The following SLMAP variants were observed in gnomAD, a reference collection of about 807,000 sequenced individuals.
SLMAP encodes the protein sarcolemma associated protein.
SLMAP carries 44 observed loss-of-function variants against 128.8 expected under a neutral mutation model. That is an observed-to-expected ratio of 0.34 (90% CI 0.27 to 0.44). SLMAP has a LOEUF of 0.44. SLMAP is among the 20% of genes least tolerant of loss of function. The pLI, the probability that SLMAP is intolerant of heterozygous loss-of-function variation, is 1.00. For synonymous variants in SLMAP, 327 were observed against 348.8 expected (o/e 0.94, Z 0.70); for missense variants, 787 against 985.3 (o/e 0.80, Z 2.69).
Position 57,863,193 on chromosome 3 carries a change from T to C in SLMAP, c.966+1107T>C, listed in dbSNP as rs186899998. Among the ~76,000 whole-genome samples, 829 of 152,284 alleles carry C rather than the reference T, an allele frequency of 5.4e-3. 5 individuals are homozygous for C. The highest frequency in any genetic ancestry group is 0.014 in the Middle Eastern group (4 of 294). On this transcript the variant is annotated intron_variant, in intron 10 of 24. Coordinates refer to ENST00000671191, the MANE Select transcript of SLMAP (RefSeq NM_001377540.1). ...ACTCTGCTTTAGCTGCCATTCCCTCTATCTATGAGACATCTAGGATAAGGA... is the reference window on the plus strand; with the variant it reads ...ACTCTGCTTTAGCTGCCATTCCCTCCATCTATGAGACATCTAGGATAAGGA...
intron 6 of SLMAP, among the ~76,000 whole-genome samples, chr3:57,854,688 G>C (rs1360643314): frequency 6.6e-6 from 1 of 152,144 alleles, no homozygotes; most frequent in South Asian, 2.1e-4. Context: ...TCATACTTGT[G>C]CAATTAAGCC....
intron 13 of SLMAP, among the ~76,000 whole-genome samples, chr3:57,865,970 A>G (rs1478037755): frequency 6.6e-6 from 1 of 152,194 alleles, no homozygotes; most frequent in Admixed American, 6.5e-5. Context: ...AGCACCAACT[A>G]TGTGCCAGAC....
chr3:57,910,015 A>G (rs2096656717), intron 19 of SLMAP, among the ~76,000 whole-genome samples: 1 of 151,950 alleles, frequency 6.6e-6, no homozygotes, highest in Non-Finnish European at 1.5e-5. Context: ...TGGAGTTGGT[A>G]AGACTGTCAC....
intron 3 of SLMAP, among the ~76,000 whole-genome samples, chr3:57,837,649 G>A (rs1172327233): frequency 2.6e-5 from 4 of 152,274 alleles, no homozygotes; most frequent in South Asian, 4.1e-4. Context: ...GATTACAGGC[G>A]TGAGCCACTG....
At position 57,890,214 on chromosome 3, in the gene SLMAP, A is replaced by T. The variant is rs1017053118; in HGVS notation, c.1360+114A>T. On this transcript the variant is annotated intron_variant, in intron 15 of 24. Transcript: ENST00000671191. Reference sequence around the variant, plus strand: ...TCAGTTTACTTCTTATAGCTCACAAAATAGCAAGCCAGTAACAGTATCAGA... The same window carrying T: ...TCAGTTTACTTCTTATAGCTCACAATATAGCAAGCCAGTAACAGTATCAGA... 80 of 894,078 alleles carry T rather than the reference A, an allele frequency of 8.9e-5. 2 individuals are homozygous for T. In the Middle Eastern group the frequency reaches 1.1e-3, roughly 12 times the overall value. 55.4% of individuals were successfully genotyped at this position (894,078 alleles called of 1,614,324 possible).
intron 2 of SLMAP, among the ~76,000 whole-genome samples, chr3:57,774,699 G>A (rs941312255): frequency 1.3e-5 from 2 of 151,774 alleles, no homozygotes; most frequent in African/African-American, 4.8e-5. Context: ...TAATTTTTGC[G>A]TTTTTAGTAG....
In SLMAP at chr3:57,912,367, A is replaced by C; in HGVS notation, c.1700-14A>C. ...TTCTAATGGGCCAAGAAAATGATGG[A>C]TATACTTTTGCAGCCCAATTGCAGA... On this transcript the variant is annotated splice_polypyrimidine_tract_variant and intron_variant, in intron 19 of 24. Transcript: ENST00000671191. 1 of 1,599,258 alleles carries C rather than the reference A, an allele frequency of 6.3e-7. No individual in the cohort carries two copies. The highest frequency in any genetic ancestry group is 8.6e-7 in the Non-Finnish European group (1 of 1,167,218).
At chr3:57,903,043 A>G (rs958429527) in intron 17 of SLMAP, among the ~76,000 whole-genome samples, 2 of 152,228 alleles carry the variant, frequency 1.3e-5, no homozygotes, top group African/African-American at 4.8e-5. Context: ...AGAAGGCTAT[A>G]GACAGAAGAT....
intron 2 of SLMAP, among the ~76,000 whole-genome samples, chr3:57,761,923 T>C (rs2078728715): frequency 6.6e-6 from 1 of 150,660 alleles, no homozygotes; most frequent in African/African-American, 2.4e-5. Context: ...GGCGGGCGCC[T>C]GTAGTCCCAG....
At chr3:57,809,310 T>C (rs959612815) in intron 2 of SLMAP, among the ~76,000 whole-genome samples, 2 of 152,250 alleles carry the variant, frequency 1.3e-5, no homozygotes, top group African/African-American at 4.8e-5. Flanking sequence ...GGCCTCTCCC[T>C]GCTGTTGGCG....
intron 19 of SLMAP, among the ~76,000 whole-genome samples, chr3:57,909,362 C>T (rs566697009): frequency 9.9e-5 from 15 of 151,842 alleles, no homozygotes; most frequent in Middle Eastern, 6.8e-3. Context: ...ATTAGCTGGG[C>T]ATGGTGGTGC....
chr3:57,843,607 A>G (rs541734497), intron 4 of SLMAP, among the ~76,000 whole-genome samples: 1 of 151,816 alleles, frequency 6.6e-6, no homozygotes, highest in Admixed American at 6.6e-5. Context: ...CGCCTGGCCA[A>G]TAATTTTTAA....
In SLMAP at chr3:57,929,976, CTTTAA is replaced by C. The variant is rs2097053064; in HGVS notation, c.*2690_*2694del. Among the ~76,000 whole-genome samples, 1 of 152,178 alleles carries C rather than the reference CTTTAA, an allele frequency of 6.6e-6. No individual in the cohort carries two copies. The highest frequency in any genetic ancestry group is 6.5e-5 in the Admixed American group (1 of 15,284). ...TTAGGTAAGCCTAAACTTTAATCTA[CTTTAA>C]TTAAATGAATTGATTGACTCAACCA... On this transcript the variant is annotated 3_prime_UTR_variant, in exon 25 of 25. Coordinates refer to ENST00000671191, the MANE Select transcript of SLMAP (RefSeq NM_001377540.1).
At chr3:57,881,787 G>A (rs1003292547) in intron 14 of SLMAP, among the ~76,000 whole-genome samples, 4 of 152,108 alleles carry the variant, frequency 2.6e-5, no homozygotes, top group African/African-American at 9.7e-5. Context: ...CAGGCCTCTA[G>A]TGATTCACAA....
intron 3 of SLMAP, among the ~76,000 whole-genome samples, chr3:57,837,637 G>T (rs1385040480): frequency 6.6e-6 from 1 of 152,144 alleles, no homozygotes; most frequent in Non-Finnish European, 1.5e-5. Flanking sequence ...CCAAAGTACT[G>T]GGATTACAGG....
At chr3:57,844,447 TCTAACA>T (rs956107421) in intron 4 of SLMAP, among the ~76,000 whole-genome samples, 1 of 152,028 alleles carries the variant, frequency 6.6e-6, no homozygotes, top group Non-Finnish European at 1.5e-5. Context: ...ATCCCACCAC[TCTAACA>T]CTAAGTAACT....
chr3:57,861,861 A>T, intron 9 of SLMAP, 88 bp from the exon 10 acceptor site: 6 of 1,147,232 alleles, frequency 5.2e-6, no homozygotes, highest in Non-Finnish European at 7.6e-6. Flanking sequence ...CCATAGAATT[A>T]TACTTTTTAT....
At chr3:57,802,473 G>A (rs2088767090) in intron 2 of SLMAP, among the ~76,000 whole-genome samples, 2 of 152,102 alleles carry the variant, frequency 1.3e-5, no homozygotes, top group South Asian at 4.1e-4. Flanking sequence ...GTAGAGATGG[G>A]GTTTCACTAT....
chr3:57,851,109 A>G (rs1419143293), intron 6 of SLMAP, among the ~76,000 whole-genome samples: 2 of 152,200 alleles, frequency 1.3e-5, no homozygotes, highest in Non-Finnish European at 2.9e-5. Context: ...CTATTTTTAC[A>G]GATAGAGTAA....
Sources: gnomAD v4.1 joint callset for allele counts (sites outside exome capture counted in the v4.1 genomes callset) on GRCh38, gnomAD v4.1.1 for gene constraint, MANE v1.5 for transcripts, NCBI Gene and HGNC (gene_info 2026-07-23, HGNC 2026-07-21) for gene names.